The following CEP164 variants were observed in gnomAD, a reference collection of about 807,000 sequenced individuals.
CEP164 encodes centrosomal protein of 164 kDa.
A neutral mutation model predicts 182.7 loss-of-function variants in CEP164; 162 were observed. That is an observed-to-expected ratio of 0.89 (90% CI 0.78 to 1.01). The LOEUF is 1.01. Ranked by LOEUF, CEP164 falls within the 50% of genes least tolerant of loss-of-function variation. CEP164 has a pLI of 0.00. For synonymous variants in CEP164, 661 were observed against 690.0 expected, an observed-to-expected ratio of 0.96 and a Z score of 0.66; for missense variants, 1,735 against 1,790.4, an observed-to-expected ratio of 0.97 and a Z score of 0.56.
At position 117,355,714 on chromosome 11, in the gene CEP164, T is replaced by G. The variant is rs565063611; in HGVS notation, c.393+3726T>G. On this transcript the variant is annotated intron_variant, in intron 5 of 32. Transcript: ENST00000278935. ...GCGGGAGGAGGAGGAGAGAACCTCC[T>G]GGACTGTGGATGGAACAGGTCTCCA... is the stretch of plus-strand genomic sequence containing the variant. 114 of 1,182,962 alleles carry G rather than the reference T, an allele frequency of 9.6e-5. 1 individual carries two copies. In the Middle Eastern group the frequency reaches 1.9e-3, roughly 20 times the overall value. 73.3% of individuals were successfully genotyped at this position (1,182,962 alleles called of 1,614,324 possible).
At chr11:117,372,626 AG>A (rs1235296362) in intron 9 of CEP164, among the ~76,000 whole-genome samples, 1 of 151,570 alleles carries the variant, frequency 6.6e-6, no homozygotes, top group Non-Finnish European at 1.5e-5. Context: ...CATGTTGGTC[AG>A]GCTGGTCTTG....
At chr11:117,374,459 G>A (rs1327181447) in intron 10 of CEP164, among the ~76,000 whole-genome samples, 1 of 152,188 alleles carries the variant, frequency 6.6e-6, no homozygotes, top group African/African-American at 2.4e-5. Context: ...AGATCAAAGG[G>A]AAGGGATTAG....
At chr11:117,388,251 C>T (rs1477891932) in intron 15 of CEP164, among the ~76,000 whole-genome samples, 2 of 152,188 alleles carry the variant, frequency 1.3e-5, no homozygotes, top group African/African-American at 2.4e-5. Context: ...CTCCCGAGGC[C>T]CCTGACTCCA....
rs1279037770 is a variant in CEP164, at chr11:117,390,909, G to A, written c.2066+1G>A. 5 of 1,613,736 alleles carry A rather than the reference G, an allele frequency of 3.1e-6. No individual in the cohort carries two copies. Among genetic ancestry groups the A allele is most frequent in the Non-Finnish European group, 4.2e-6 (5 of 1,180,010 alleles). On this transcript the variant is annotated splice_donor_variant, in intron 16 of 32. Coordinates refer to ENST00000278935, the MANE Select transcript of CEP164 (RefSeq NM_014956.5). LOFTEE classifies it high-confidence loss of function. ...CACAAGCAGATGAGGACCAAATCAG[G>A]TAAGTGTGTGCTTACCTGTGAGCTG...
intron 27 of CEP164, among the ~76,000 whole-genome samples, chr11:117,402,151 C>G (rs2046212081): frequency 6.6e-6 from 1 of 151,942 alleles, no homozygotes; most frequent in Non-Finnish European, 1.5e-5. Flanking sequence ...TAGCTGTGTC[C>G]CAGAGATTCT....
rs1213502417 is a variant in CEP164, at chr11:117,411,623, T to A, written c.4164-172T>A. On this transcript the variant is annotated intron_variant, in intron 31 of 32. Transcript: ENST00000278935. The surrounding 1 kb of genome is among the most constrained non-coding windows in gnomAD (Gnocchi z 4.4). ...CTCCACCACTTTCCCGTTTGGGAAC[T>A]GTTCTGGAGGGGCAGATGTTTTGAA... The A allele has an allele frequency of 4.4e-5, 37 of 844,590 alleles. No homozygotes were observed. Among genetic ancestry groups the A allele is most frequent in the Admixed American group, 5.8e-5 (2 of 34,378 alleles). The allele number at this position is 844,590 out of a possible 1,614,324, so 52.3% of individuals were successfully genotyped here.
chr11:117,339,375 C>T (rs2037722723), intron 3 of CEP164, among the ~76,000 whole-genome samples: 1 of 151,992 alleles, frequency 6.6e-6, no homozygotes, highest in South Asian at 2.1e-4. Context: ...CCAGGGGAAA[C>T]CCAATTTCCT....
At chr11:117,383,794 T>C (rs2043622876) in intron 14 of CEP164, among the ~76,000 whole-genome samples, 1 of 152,176 alleles carries the variant, frequency 6.6e-6, no homozygotes, top group East Asian at 1.9e-4. Context: ...CCCAGCACTC[T>C]GGGAGGCCGA....
At chr11:117,402,467 G>T (rs112543767) in intron 27 of CEP164, among the ~76,000 whole-genome samples, 2,997 of 152,038 alleles carry the variant, frequency 0.02, 106 homozygotes, top group African/African-American at 0.068. Context: ...GATCCTCCTG[G>T]CTCGGCCTCC....
At position 117,392,620 on chromosome 11, in the gene CEP164, A is replaced by C; in HGVS notation, c.2486A>C (p.Glu829Ala). The C allele has an allele frequency of 1.2e-6, 2 of 1,613,956 alleles. No individual in the cohort carries two copies. Among genetic ancestry groups the C allele is most frequent in the Non-Finnish European group, 8.5e-7 (1 of 1,179,962 alleles). The change falls in exon 19 of 33, where the codon GAG (glutamate) becomes GCG (alanine). Residue 829 changes from glutamate (E) to alanine (A), a missense_variant. By Grantham distance (107) the Glu-to-Ala change is moderately radical. Coordinates refer to ENST00000278935, the MANE Select transcript of CEP164 (RefSeq NM_014956.5). ...AAGTCTTATCACGTGGCTGGGTATG[A>C]GCACGAGGTGAGTGCTGCTCTGTCT... ...HQKSYHVAGY[E>A]HELSSLLREK...
chr11:117,408,997 G>A lies in CEP164; in HGVS notation c.3717G>A (p.Pro1239=), dbSNP rs149567170. The change falls in exon 29 of 33, where the codon CCG becomes CCA. Residue 1239 remains proline (P), a synonymous_variant. Coordinates refer to ENST00000278935, the MANE Select transcript of CEP164 (RefSeq NM_014956.5). ...GTGAAAGTTCTGAATCTTTTTCCCC[G>A]CCTCACCGTGAGTGGTGGCGGCAGC... ...LSSESSESFS[P]PHREWWRQQR... 244 of 1,614,060 alleles carry A rather than the reference G, an allele frequency of 1.5e-4. 1 individual carries two copies. In the African/African-American group the frequency reaches 1.8e-3, roughly 12 times the overall value.
chr11:117,344,516 G>T (rs2038607164), intron 4 of CEP164, among the ~76,000 whole-genome samples: 1 of 152,210 alleles, frequency 6.6e-6, no homozygotes, highest in South Asian at 2.1e-4. Context: ...AGGAGCTACT[G>T]CCCTGGGTCT....
At position 117,371,262 on chromosome 11, in the gene CEP164, T is replaced by C. The variant is rs774874679; in HGVS notation, c.948T>C (p.Asn316=). 1.2e-6 allele frequency: 2 copies of C among 1,613,820 alleles called. No individual in the cohort carries two copies. Among genetic ancestry groups the C allele is most frequent in the East Asian group, 4.5e-5 (2 of 44,866 alleles). The change falls in exon 9 of 33, where the codon AAT becomes AAC. Residue 316 remains asparagine (N), a synonymous_variant. Transcript: ENST00000278935. The part of the protein sequence containing the change: ...ARPGLPEKEE[N]EKSEPKICRN... Reference sequence around the variant, plus strand: ...CTGGTCTTCCAGAAAAAGAGGAAAATGAGAAGAGTGAACCTAAGATTTGCA... The same window carrying C: ...CTGGTCTTCCAGAAAAAGAGGAAAACGAGAAGAGTGAACCTAAGATTTGCA...
upstream of CEP164, chr11:117,327,847 A>T (rs2035555452): frequency 6.6e-6 from 1 of 152,202 alleles, no homozygotes; most frequent in South Asian, 2.1e-4. Context: ...CTTTTCCGGA[A>T]GTGTTTGTTG....
intron 3 of CEP164, among the ~76,000 whole-genome samples, chr11:117,341,223 C>G (rs1219548577): frequency 1.3e-5 from 2 of 152,102 alleles, no homozygotes; most frequent in African/African-American, 2.4e-5. Context: ...TTTCTTCGGC[C>G]CAGTCCAGGT....
chr11:117,397,348 G>A, intron 27 of CEP164, 35 bp downstream of exon 27: 1 of 1,588,702 alleles, frequency 6.3e-7, no homozygotes, highest in Non-Finnish European at 8.6e-7. Context: ...CCAGCCCTGT[G>A]TGGGGGAGGC....
intron 25 of CEP164, 138 bp downstream of exon 25, chr11:117,396,318 G>A: frequency 2.0e-6 from 2 of 1,000,638 alleles, no homozygotes; most frequent in Non-Finnish European, 3.0e-6. Flanking sequence ...AGGAGTATAA[G>A]GTGGGCCAAG....
At position 117,380,658 on chromosome 11, in the gene CEP164, C is replaced by T. The variant is rs1163809267; in HGVS notation, c.1362C>T (p.Ser454=). 16 of 1,608,854 alleles carry T rather than the reference C, an allele frequency of 9.9e-6. No homozygotes were observed. In the South Asian group the frequency reaches 1.6e-4, roughly 16 times the overall value. The change falls in exon 12 of 33, where the codon TCC becomes TCT. Residue 454 remains serine (S), a synonymous_variant. Coordinates refer to ENST00000278935, the MANE Select transcript of CEP164 (RefSeq NM_014956.5). ...TAGAAGACAAGGATGACAGCCAGTC[C>T]AGCCAAGATGAGCTGCAGAGCAAGC... The part of the protein sequence containing the change: ...LGIEDKDDSQ[S]SQDELQSKQS...
chr11:117,411,805 C>G lies in CEP164; in HGVS notation c.4174C>G (p.Arg1392Gly). Residue 1392 changes from arginine to glycine, a missense_variant, in exon 32 of 33, where the codon CGG (arginine) becomes GGG (glycine). Physicochemically the swap from Arg to Gly is moderately radical, Grantham distance 125. Transcript: ENST00000278935. This position sits in a 1 kb window ranked among gnomAD's most constrained non-coding sequence, Gnocchi z 4.4. ...CCTCTTCCTTCCCAGTGAGCAGCTC[C>G]GGCTCCTACAGCACTCCCATTCGCA... ...LGYMSASEQL[R>G]LLQHSHSQVP... 2 of 1,614,164 alleles carry G rather than the reference C, an allele frequency of 1.2e-6. No homozygotes were observed. Among genetic ancestry groups the G allele is most frequent in the East Asian group, 4.5e-5 (2 of 44,876 alleles).
Sources: gnomAD v4.1 joint callset for allele counts (sites outside exome capture counted in the v4.1 genomes callset) on GRCh38, gnomAD v4.1.1 for gene constraint, Gnocchi (gnomAD v3.1) non-coding constraint, MANE v1.5 for transcripts, NCBI Gene and HGNC (gene_info 2026-07-23, HGNC 2026-07-21) for gene names.